KATNB1: variants seen among roughly 807,000 people sequenced by gnomAD.
The protein encoded by KATNB1 is katanin regulatory subunit B1.
A neutral mutation model predicts 82.3 loss-of-function variants in KATNB1; 38 were observed. That is an observed-to-expected ratio of 0.46 (90% CI 0.36 to 0.61). KATNB1 has a LOEUF of 0.61. KATNB1 is among the 20% of genes least tolerant of loss of function. The pLI, the probability that KATNB1 is intolerant of heterozygous loss-of-function variation, is 0.00. For missense variants in KATNB1, 749 were observed against 915.7 expected (o/e 0.82, Z 2.35); for synonymous variants, 361 against 368.7 (o/e 0.98, Z 0.24).
Position 57,742,227 on chromosome 16 carries a change from A to G in KATNB1, c.171+410A>G, listed in dbSNP as rs907266779. Among the ~76,000 whole-genome samples, 7 of 152,368 alleles carry G rather than the reference A, an allele frequency of 4.6e-5. No individual in the cohort carries two copies. The East Asian group carries it at 1.4e-3, about 29-fold the overall frequency. ...AACATGTGGGCGTTTATTTTAATTC[A>G]TTCCCAGCCTTCATTCCCCAATGAG... is the stretch of plus-strand genomic sequence containing the variant. On this transcript the variant is annotated intron_variant, in intron 3 of 19. Coordinates refer to ENST00000379661, the MANE Select transcript of KATNB1 (RefSeq NM_005886.3).
intron 3 of KATNB1, among the ~76,000 whole-genome samples, chr16:57,743,096 C>T (rs2049154649): frequency 6.6e-6 from 1 of 152,130 alleles, no homozygotes; most frequent in South Asian, 2.1e-4. Context: ...AGTTTGAGAC[C>T]GCCCTGGCCA....
chr16:57,756,705 G>A lies in KATNB1; in HGVS notation c.1836-109G>A, dbSNP rs189102244. 4.8e-4 allele frequency: 680 copies of A among 1,430,966 alleles called. 1 individual carries two copies. The African/African-American group carries it at 8.9e-3, about 19-fold the overall frequency. The allele number at this position is 1,430,966 out of a possible 1,614,324, so 88.6% of individuals were successfully genotyped here. On this transcript the variant is annotated intron_variant, in intron 19 of 19. Transcript: ENST00000379661. ...CTGGGTGGTTCCCCTCTGGGCCTCC[G>A]CCTTCCCTTGGGAGGAAGGGCTGGA...
At chr16:57,756,729 G>A in intron 19 of KATNB1, 85 bp from the exon 20 acceptor site, 1 of 1,455,154 alleles carries the variant, frequency 6.9e-7, no homozygotes, top group Non-Finnish European at 9.1e-7. Context: ...GGAAGGGCTG[G>A]AGCAGTTAGG....
chr16:57,754,763 G>A (rs1312727195), intron 13 of KATNB1, among the ~76,000 whole-genome samples, 167 bp from the exon 14 acceptor site: 1 of 152,172 alleles, frequency 6.6e-6, no homozygotes, highest in Non-Finnish European at 1.5e-5. Flanking sequence ...GGCAGGTCCA[G>A]GCCTGCCCCA....
chr16:57,756,999 C>T lies in KATNB1; in HGVS notation c.*53C>T. 6.9e-7 allele frequency: 1 copy of T among 1,452,702 alleles called. No individual in the cohort carries two copies. The highest frequency in any genetic ancestry group is 9.1e-7 in the Non-Finnish European group (1 of 1,098,194). 90.0% of individuals were successfully genotyped at this position (1,452,702 alleles called of 1,614,324 possible). A position where few individuals can be genotyped will look rare whatever the true frequency, so the allele number is the denominator to read the frequency against. ...AGCCCACAGGGCCTGGCCTCAGCCC[C>T]CACTCCTGTTCCTTGTGCACCCACT... On this transcript the variant is annotated 3_prime_UTR_variant, in exon 20 of 20. Transcript: ENST00000379661.
chr16:57,739,622 G>C (rs2049127897), intron 2 of KATNB1, among the ~76,000 whole-genome samples: 1 of 152,222 alleles, frequency 6.6e-6, no homozygotes, highest in Non-Finnish European at 1.5e-5. Flanking sequence ...CTCCTTTGCA[G>C]GTGCCTGTGC....
intron 2 of KATNB1, among the ~76,000 whole-genome samples, chr16:57,740,622 A>C (rs1265203214): frequency 6.6e-6 from 1 of 152,028 alleles, no homozygotes; most frequent in Non-Finnish European, 1.5e-5. Context: ...CCTTCTTTCC[A>C]GGAGGAGCTC....
At chr16:57,743,645 G>A (rs1555580370) in intron 3 of KATNB1, among the ~76,000 whole-genome samples, 1 of 152,196 alleles carries the variant, frequency 6.6e-6, no homozygotes, top group East Asian at 1.9e-4. Flanking sequence ...TCAGGCCCCA[G>A]CCGGCCTCAC....
At chr16:57,745,459 A>G (rs139439617) in intron 4 of KATNB1, among the ~76,000 whole-genome samples, 4,163 of 151,632 alleles carry the variant, frequency 0.027, 200 homozygotes, top group African/African-American at 0.095. Context: ...GCTACTTGGG[A>G]GGCTGAGGCA....
At position 57,755,711 on chromosome 16, in the gene KATNB1, G is replaced by C. The variant is rs555908671; in HGVS notation, c.1567-130G>C. 2.8e-5 allele frequency: 28 copies of C among 989,232 alleles called. No homozygotes were observed. The South Asian group carries it at 4.5e-4, about 16-fold the overall frequency. The allele number at this position is 989,232 out of a possible 1,614,324, so 61.3% of individuals were successfully genotyped here. The stretch of plus-strand genomic sequence containing the variant: ...ACATGCCTGGCCTTACACTCATTGC[G>C]TTAGGTGCAGTGCTGAATACCCACA... On this transcript the variant is annotated intron_variant, in intron 16 of 19. Coordinates refer to ENST00000379661, the MANE Select transcript of KATNB1 (RefSeq NM_005886.3).
intron 3 of KATNB1, 84 bp from the exon 4 acceptor site, chr16:57,744,310 G>C: frequency 4.1e-6 from 5 of 1,213,250 alleles, no homozygotes; most frequent in Non-Finnish European, 6.0e-6. Context: ...TCTTGCTGAA[G>C]CCTTTCCGGG....
rs569681676 is a variant in KATNB1, at chr16:57,744,608, G to A, written c.289+97G>A. 4.1e-4 allele frequency: 415 copies of A among 1,022,800 alleles called. 2 individuals carry two copies. The South Asian group carries it at 4.7e-3, about 12-fold the overall frequency. The allele number at this position is 1,022,800 out of a possible 1,614,324, so 63.4% of individuals were successfully genotyped here. ...CCTCCAGGAAGCCTGCCTGGACTAC[G>A]TTGGCTGCTTTGCTCCTGGAGCACT... On this transcript the variant is annotated intron_variant, in intron 4 of 19. Coordinates refer to ENST00000379661, the MANE Select transcript of KATNB1 (RefSeq NM_005886.3).
At chr16:57,741,895 T>C (rs1555579769) in intron 3 of KATNB1, 78 bp downstream of exon 3, 1 of 1,485,752 alleles carries the variant, frequency 6.7e-7, no homozygotes, top group Non-Finnish European at 9.1e-7. Flanking sequence ...GGCTGAAGAG[T>C]GAGCAGCTTC....
At position 57,753,946 on chromosome 16, in the gene KATNB1, T is replaced by C. The variant is rs1555584623; in HGVS notation, c.1179T>C (p.Ser393=). ...NEIFQPKNSI[S]RTPPRRSEPF... is the part of the protein sequence containing the mutation. ...GCCAGGGGCCTCTTTCCTCTGCAGG[T>C]CGGACGCCACCCCGGAGAAGTGAGC... The change falls in exon 13 of 20, where the codon AGT becomes AGC. Residue 393 remains serine, a splice_region_variant and synonymous_variant. Coordinates refer to ENST00000379661, the MANE Select transcript of KATNB1 (RefSeq NM_005886.3). 1 of 1,613,128 alleles carries C rather than the reference T, an allele frequency of 6.2e-7. No homozygotes were observed. The highest frequency in any genetic ancestry group is 2.2e-5 in the East Asian group (1 of 44,846).
At chr16:57,736,424 A>G (rs2049100280) in intron 1 of KATNB1, among the ~76,000 whole-genome samples, 1 of 152,148 alleles carries the variant, frequency 6.6e-6, no homozygotes, top group African/African-American at 2.4e-5. Context: ...TTGAAGAGTC[A>G]TAGCCACTTA....
At position 57,756,461 on chromosome 16, in the gene KATNB1, C is replaced by T; in HGVS notation, c.1824C>T (p.Ser608=). The T allele has an allele frequency of 2.5e-6, 4 of 1,613,274 alleles. No individual in the cohort carries two copies. The highest frequency in any genetic ancestry group is 1.3e-5 in the African/African-American group (1 of 75,054). The change falls in exon 19 of 20, where the codon AGC becomes AGT. Residue 608 remains serine, a synonymous_variant. Transcript: ENST00000379661. ...AAPPSVGVDI[S]REERLHKCRL... is the part of the protein sequence containing the mutation. ...CACCCTCTGTGGGTGTGGATATCAG[C>T]AGGGAGGAGAGGTGAGGGCAGCGCA... is the stretch of plus-strand genomic sequence containing the variant.
chr16:57,749,152 G>A (rs2049205472), intron 4 of KATNB1, among the ~76,000 whole-genome samples: 1 of 152,252 alleles, frequency 6.6e-6, no homozygotes, highest in Non-Finnish European at 1.5e-5. Context: ...GAGGAGAGAA[G>A]GCCCAGCTTG....
intron 2 of KATNB1, among the ~76,000 whole-genome samples, chr16:57,740,545 G>C (rs1484100076): frequency 6.6e-6 from 1 of 152,242 alleles, no homozygotes; most frequent in Admixed American, 6.5e-5. Context: ...GGCCTTCCGG[G>C]TGCCTCGGGG....
chr16:57,744,243 C>T (rs1211105014), intron 3 of KATNB1, 151 bp from the exon 4 acceptor site: 2 of 653,426 alleles, frequency 3.1e-6, no homozygotes, highest in Admixed American at 2.5e-5. Context: ...TCAGAAAGGG[C>T]CTGCAGGAGG....
Sources: allele counts gnomAD v4.1 joint callset (sites outside exome capture counted in the v4.1 genomes callset), GRCh38; gene constraint gnomAD v4.1.1; transcripts MANE v1.5; gene names NCBI Gene and HGNC (gene_info 2026-07-23, HGNC 2026-07-21).